The following SNTG1 variants were observed in gnomAD, a reference collection of about 807,000 sequenced individuals.
The protein encoded by SNTG1 is gamma-1-syntrophin.
Under a neutral mutation model 74.7 loss-of-function variants are expected in SNTG1, and 39 were observed. The ratio of observed to expected loss-of-function variants is 0.52; its 90% CI spans 0.40 to 0.68. SNTG1 has a LOEUF of 0.68. Among genes scored for constraint, SNTG1 ranks in the 30% least tolerant of loss-of-function variants. The probability of loss-of-function intolerance (pLI) is 0.00; values close to 1 mark genes in which losing one functional copy is unlikely to be tolerated. For synonymous variants in SNTG1, 254 were observed against 217.1 expected, an observed-to-expected ratio of 1.17 and a Z score of -1.49; for missense variants, 685 against 609.5, an observed-to-expected ratio of 1.12 and a Z score of -1.30.
At position 50,126,066 on chromosome 8, in the gene SNTG1, G is replaced by A. The variant is rs1241024995; in HGVS notation, c.-102-46495G>A. ...ATGAGTACACAATGGCTGGTTCTGC[G>A]GCACCCTTCTTGGGTCATCACACCT... On this transcript the variant is annotated intron_variant, in intron 1 of 18. Transcript: ENST00000642720. 5.9e-5 allele frequency among the ~76,000 whole-genome samples: 9 copies of A among 152,188 alleles called. No homozygotes were observed. In the East Asian group the frequency reaches 7.7e-4, roughly 13 times the overall value.
intron 1 of SNTG1, among the ~76,000 whole-genome samples, chr8:50,126,296 T>G (rs1189072196): frequency 2.0e-5 from 3 of 152,112 alleles, no homozygotes; most frequent in Non-Finnish European, 4.4e-5. Context: ...TGTGCCAGGC[T>G]GTGTAGGTTG....
chr8:50,228,084 T>C (rs1300497423), intron 2 of SNTG1, among the ~76,000 whole-genome samples: 1 of 151,570 alleles, frequency 6.6e-6, no homozygotes, highest in African/African-American at 2.4e-5. Context: ...CAGAAAAATA[T>C]AGACAGAAGG....
At chr8:50,147,221 G>T (rs1302968667) in intron 1 of SNTG1, among the ~76,000 whole-genome samples, 1 of 152,030 alleles carries the variant, frequency 6.6e-6, no homozygotes, top group Non-Finnish European at 1.5e-5. Context: ...GGTCATTTAA[G>T]AAAAATCAAC....
chr8:50,343,117 G>A (rs890382823), intron 2 of SNTG1, among the ~76,000 whole-genome samples: 5 of 152,114 alleles, frequency 3.3e-5, no homozygotes, highest in Admixed American at 6.5e-5. Context: ...TTAATCCCCA[G>A]TACTTCGTGA....
At position 50,720,067 on chromosome 8, in the gene SNTG1, A is replaced by G. The variant is rs141153461; in HGVS notation, c.1284+11089A>G. 1.8e-3 allele frequency among the ~76,000 whole-genome samples: 271 copies of G among 152,298 alleles called. 2 individuals are homozygous for G. Among genetic ancestry groups the G allele is most frequent in the Middle Eastern group, 6.8e-3 (2 of 294 alleles). Reference sequence around the variant, plus strand: ...ATCTTTAATTTAGGCAACTGGCCCAATGATAATGCATTCCTGTTCTATTAT... The same window carrying G: ...ATCTTTAATTTAGGCAACTGGCCCAGTGATAATGCATTCCTGTTCTATTAT... On this transcript the variant is annotated intron_variant, in intron 17 of 18. Coordinates refer to ENST00000642720, the MANE Select transcript of SNTG1 (RefSeq NM_018967.5).
chr8:50,132,655 T>G (rs896886091), intron 1 of SNTG1, among the ~76,000 whole-genome samples: 1 of 152,214 alleles, frequency 6.6e-6, no homozygotes, highest in Admixed American at 6.5e-5. Flanking sequence ...CCTCACTCTC[T>G]TGGCCCAAGT....
chr8:50,789,507 C>T (rs927262397), intron 18 of SNTG1, among the ~76,000 whole-genome samples: 1 of 151,914 alleles, frequency 6.6e-6, no homozygotes, highest in Non-Finnish European at 1.5e-5. Flanking sequence ...CCCTTAAATC[C>T]ACACTAATAT....
chr8:50,031,968 C>T (rs1236635893), intron 1 of SNTG1, among the ~76,000 whole-genome samples: 2 of 152,032 alleles, frequency 1.3e-5, no homozygotes, highest in Admixed American at 1.3e-4. Context: ...AATTTAATTT[C>T]CTTAACAGTT....
chr8:50,325,961 CT>C (rs60655653), intron 2 of SNTG1, among the ~76,000 whole-genome samples: 7,404 of 151,704 alleles, frequency 0.049, 399 homozygotes, highest in South Asian at 0.17. Flanking sequence ...TTTTATCATA[CT>C]TTTTTTTGTG....
intron 9 of SNTG1, among the ~76,000 whole-genome samples, chr8:50,514,694 A>G (rs2094116639): frequency 6.6e-6 from 1 of 152,176 alleles, no homozygotes; most frequent in Non-Finnish European, 1.5e-5. Flanking sequence ...AGAAGAATGT[A>G]TATTTTATTA....
At chr8:50,275,620 G>C (rs556705383) in intron 2 of SNTG1, among the ~76,000 whole-genome samples, 44 of 152,178 alleles carry the variant, frequency 2.9e-4, no homozygotes, top group Middle Eastern at 3.4e-3. Context: ...TAGAAATTGC[G>C]GTGCTGGAGG....
chr8:50,393,177 T>C (rs2092685126), intron 2 of SNTG1, among the ~76,000 whole-genome samples: 2 of 152,264 alleles, frequency 1.3e-5, no homozygotes, highest in African/African-American at 4.8e-5. Context: ...ATAGATTATA[T>C]GATGCATTTG....
intron 1 of SNTG1, among the ~76,000 whole-genome samples, chr8:50,149,166 T>C (rs2081975504): frequency 6.6e-6 from 1 of 152,244 alleles, no homozygotes; most frequent in South Asian, 2.1e-4. Context: ...TTTTCATGTG[T>C]CTGTTGGCTG....
intron 9 of SNTG1, among the ~76,000 whole-genome samples, chr8:50,529,287 C>A (rs182380442): frequency 6.6e-6 from 1 of 151,738 alleles, no homozygotes; most frequent in Non-Finnish European, 1.5e-5. Context: ...ATCAGTATAG[C>A]GAGAAAGCCT....
At chr8:50,424,264 G>C (rs2093134190) in intron 4 of SNTG1, among the ~76,000 whole-genome samples, 1 of 152,090 alleles carries the variant, frequency 6.6e-6, no homozygotes, top group Admixed American at 6.6e-5. Context: ...AGGTCTGTAA[G>C]TCCTTGGCAA....
intron 17 of SNTG1, among the ~76,000 whole-genome samples, chr8:50,715,887 T>C (rs981859255): frequency 2.0e-5 from 3 of 152,250 alleles, no homozygotes; most frequent in African/African-American, 7.2e-5. Context: ...CATTAACATT[T>C]TAAGTTCATG....
chr8:50,124,256 G>T (rs57333617), intron 1 of SNTG1, among the ~76,000 whole-genome samples: 18,043 of 141,246 alleles, frequency 0.13, 5,056 homozygotes, highest in African/African-American at 0.43. Context: ...CGTGAGAAAG[G>T]CTTTGGGAGA....
At chr8:50,397,656 T>C (rs1563332006) in intron 3 of SNTG1, among the ~76,000 whole-genome samples, 2 of 152,206 alleles carry the variant, frequency 1.3e-5, no homozygotes, top group African/African-American at 4.8e-5. Context: ...CTTTTCAAAA[T>C]TATCCACACC....
chr8:50,399,339 ACTAT>A (rs917448619), intron 3 of SNTG1, among the ~76,000 whole-genome samples: 2 of 152,164 alleles, frequency 1.3e-5, no homozygotes, highest in Admixed American at 1.3e-4. Flanking sequence ...TTTCCAGACA[ACTAT>A]CTAATAATTT....
Sources: allele counts gnomAD v4.1 joint callset (sites outside exome capture counted in the v4.1 genomes callset), GRCh38; gene constraint gnomAD v4.1.1; transcripts MANE v1.5; gene names NCBI Gene and HGNC (gene_info 2026-07-23, HGNC 2026-07-21).